The following CALCOCO1 variants were observed in gnomAD, a reference collection of about 807,000 sequenced individuals.
CALCOCO1 encodes the protein calcium binding and coiled-coil domain 1, also known as calcium-binding and coiled-coil domain-containing protein 1.
Under a neutral mutation model 86.3 loss-of-function variants are expected in CALCOCO1, and 44 were observed. The ratio of observed to expected loss-of-function variants is 0.51; its 90% CI spans 0.40 to 0.66. The LOEUF is 0.66. CALCOCO1 is among the 30% of genes least tolerant of loss of function. The pLI is 0.00. For synonymous variants in CALCOCO1, 297 were observed against 327.6 expected (o/e 0.91, Z 1.01); for missense variants, 708 against 851.1 (o/e 0.83, Z 2.09).
intron 4 of CALCOCO1, chr12:53,722,943 CAAAAAAAAA>C (rs58897806): frequency 5.1e-5 from 10 of 194,494 alleles, no homozygotes; most frequent in African/African-American, 4.1e-4. Context: ...AAGGCTGTCT[CAAAAAAAAA>C]AAAAAAAAAG....
rs1394888215 is a variant in CALCOCO1 at position 53,709,394 on chromosome 12, G to C, written c.*2550C>G. ...CTGGGATAGGCAAACCATGAGTAAG[G>C]AAGAGAAATGGCCCCACATTTTGTG... On this transcript the variant is annotated 3_prime_UTR_variant, in exon 15 of 15. Coordinates refer to ENST00000550804, the MANE Select transcript of CALCOCO1 (RefSeq NM_020898.3). 1 of 152,246 alleles carries C rather than the reference G, an allele frequency of 6.6e-6. No individual in the cohort carries two copies. Among genetic ancestry groups the C allele is most frequent in the African/African-American group, 2.4e-5 (1 of 41,438 alleles). 9.4% of individuals were successfully genotyped at this position (152,246 alleles called of 1,614,324 possible).
In CALCOCO1 at chr12:53,724,632, T is replaced by C. The variant is rs533888670; in HGVS notation, c.259+13A>G. 2.7e-5 allele frequency: 44 copies of C among 1,608,298 alleles called. No homozygotes were observed. The South Asian group carries it at 4.6e-4, about 17-fold the overall frequency. ...TTGGCTCCTCTCTCCCAATTTTCCATCTTCCCTTGTACCTTGGAACTGGAC... is the reference window on the plus strand; with the variant it reads ...TTGGCTCCTCTCTCCCAATTTTCCACCTTCCCTTGTACCTTGGAACTGGAC... On this transcript the variant is annotated intron_variant, in intron 3 of 14. Transcript: ENST00000550804.
chr12:53,717,099 C>T (rs76404006), intron 7 of CALCOCO1, among the ~76,000 whole-genome samples: 3,227 of 152,304 alleles, frequency 0.021, 117 homozygotes, highest in African/African-American at 0.074. Context: ...CTGGCTCTGT[C>T]GCCAAGACTG....
At chr12:53,720,780 G>C (rs948378660) in intron 6 of CALCOCO1, among the ~76,000 whole-genome samples, 1 of 152,194 alleles carries the variant, frequency 6.6e-6, no homozygotes, top group Non-Finnish European at 1.5e-5. Context: ...TTGAAGGATG[G>C]ACATGGGAGG....
At position 53,715,784 on chromosome 12, in the gene CALCOCO1, T is replaced by G. The variant is rs1288448343; in HGVS notation, c.1260+9A>C. The G allele has an allele frequency of 6.2e-7, 1 of 1,606,684 alleles. No homozygotes were observed. Among genetic ancestry groups the G allele is most frequent in the African/African-American group, 1.3e-5 (1 of 75,016 alleles). Reference sequence around the variant, plus strand: ...CCATCAGATTGCCAGGTACCCCCCATCCCTCTACCTCCACACTCTGCAGCA... The same window carrying G: ...CCATCAGATTGCCAGGTACCCCCCAGCCCTCTACCTCCACACTCTGCAGCA... On this transcript the variant is annotated intron_variant, in intron 9 of 14. Coordinates refer to ENST00000550804, the MANE Select transcript of CALCOCO1 (RefSeq NM_020898.3).
At chr12:53,721,347 G>T (rs1396772374) in intron 6 of CALCOCO1, 120 bp downstream of exon 6, 9 of 880,370 alleles carry the variant, frequency 1.0e-5, no homozygotes, top group Non-Finnish European at 1.4e-5. Context: ...TTGAGTGAGG[G>T]TGAGAGGGAA....
At chr12:53,725,320 C>T (rs567532022) in intron 1 of CALCOCO1, 54 bp from the exon 2 acceptor site, 9 of 1,243,476 alleles carry the variant, frequency 7.2e-6, no homozygotes, top group South Asian at 4.7e-5. Context: ...CTCCTTCCCC[C>T]CACAGCTCCA....
At chr12:53,713,951 T>C (rs896456481) in intron 12 of CALCOCO1, 51 bp from the exon 13 acceptor site, 3 of 1,470,244 alleles carry the variant, frequency 2.0e-6, no homozygotes, top group Admixed American at 4.1e-5. Flanking sequence ...TTGTGAGGAG[T>C]TGGACCAGCT....
intron 10 of CALCOCO1, 23 bp downstream of exon 10, chr12:53,715,177 C>T (rs549518771): frequency 6.8e-6 from 11 of 1,613,074 alleles, no homozygotes; most frequent in African/African-American, 4.0e-5. Context: ...TAGGACAGGA[C>T]CCTTGGTGGC....
intron 14 of CALCOCO1, chr12:53,712,767 G>A: frequency 7.5e-7 from 1 of 1,325,916 alleles, no homozygotes; most frequent in Non-Finnish European, 9.9e-7. Flanking sequence ...AGGACCCTAG[G>A]TACCTACCTG....
chr12:53,721,461 C>A lies in CALCOCO1; in HGVS notation c.758+6G>T, dbSNP rs1945864628. The stretch of plus-strand genomic sequence containing the variant: ...GGAAGTGACGGGGTCAGTGGACTCC[C>A]CTCACCTGTCCAGCTCCACTTCCTT... On this transcript the variant is annotated splice_donor_region_variant and intron_variant, in intron 6 of 14. Coordinates refer to ENST00000550804, the MANE Select transcript of CALCOCO1 (RefSeq NM_020898.3). 2 of 1,604,474 alleles carry A rather than the reference C, an allele frequency of 1.2e-6. No homozygotes were observed. The highest frequency in any genetic ancestry group is 1.7e-6 in the Non-Finnish European group (2 of 1,176,676).
In CALCOCO1 at chr12:53,714,475, C is replaced by G. The variant is rs181452945; in HGVS notation, c.1482+123G>C. On this transcript the variant is annotated intron_variant, in intron 11 of 14. Transcript: ENST00000550804. ...CTGCCAAATCAGCTAATAAGAGAAG[C>G]CAGGGTACGGGCCCTCTTGGAGAGA... is the stretch of plus-strand genomic sequence containing the variant. 24 of 742,272 alleles carry G rather than the reference C, an allele frequency of 3.2e-5. No homozygotes were observed. The African/African-American group carries it at 4.2e-4, about 13-fold the overall frequency. The allele number at this position is 742,272 out of a possible 1,614,324, so 46.0% of individuals were successfully genotyped here.
intron 7 of CALCOCO1, among the ~76,000 whole-genome samples, chr12:53,717,419 C>T (rs1945755164): frequency 6.6e-6 from 1 of 152,194 alleles, no homozygotes; most frequent in Non-Finnish European, 1.5e-5. Flanking sequence ...GCCTTTCACG[C>T]TTGTGGAATA....
chr12:53,722,729 G>A (rs1043248309), intron 4 of CALCOCO1, among the ~76,000 whole-genome samples: 3 of 152,014 alleles, frequency 2.0e-5, no homozygotes, highest in African/African-American at 7.3e-5. Context: ...ACAGATGCAT[G>A]CCACTACACC....
Position 53,716,343 on chromosome 12 carries a change from C to T in CALCOCO1, c.922G>A (p.Glu308Lys). Residue 308 changes from glutamate to lysine, a missense_variant, in exon 8 of 15, where the codon GAG (glutamate) becomes AAG (lysine). Physicochemically the swap from Glu to Lys is moderately conservative, Grantham distance 56. Coordinates refer to ENST00000550804, the MANE Select transcript of CALCOCO1 (RefSeq NM_020898.3). ...LDLKEAKSWQ[E>K]EQSAQAQRLK... ...CGCTGAGCCTGAGCACTCTGCTCCT[C>T]TTGCCAGCTCTTCGCCTCCTTCAGG... 6.2e-7 allele frequency: 1 copy of T among 1,614,246 alleles called. No homozygotes were observed. Among genetic ancestry groups the T allele is most frequent in the Non-Finnish European group, 8.5e-7 (1 of 1,180,038 alleles).
rs904921310 is a variant in CALCOCO1 at position 53,723,820 on chromosome 12, C to T, written c.260-37G>A. On this transcript the variant is annotated intron_variant, in intron 3 of 14. Transcript: ENST00000550804. ...AGAATGGACCCAGGACCCCAATAAT[C>T]CACTGTCCTTGGCCCCAGCCCCTTG... The T allele has an allele frequency of 3.8e-6, 6 of 1,588,444 alleles. No homozygotes were observed. The African/African-American group carries it at 6.7e-5, about 18-fold the overall frequency.
intron 7 of CALCOCO1, among the ~76,000 whole-genome samples, chr12:53,718,674 G>A (rs1048634480): frequency 5.3e-5 from 8 of 151,936 alleles, no homozygotes; most frequent in Non-Finnish European, 1.2e-4. Context: ...GACTACAGGT[G>A]CATGCCACCA....
Position 53,709,035 on chromosome 12 carries a change from T to C in CALCOCO1, c.*2909A>G, listed in dbSNP as rs1384021531. ...GTAACAGGTGGCCATTGAGGTTCGATAAGTGGGGGAGTGGTGTGTTTGGAT... is the reference window on the plus strand; with the variant it reads ...GTAACAGGTGGCCATTGAGGTTCGACAAGTGGGGGAGTGGTGTGTTTGGAT... On this transcript the variant is annotated 3_prime_UTR_variant, in exon 15 of 15. Transcript: ENST00000550804. 5 of 152,206 alleles carry C rather than the reference T, an allele frequency of 3.3e-5. No homozygotes were observed. The highest frequency in any genetic ancestry group is 2.9e-5 in the Non-Finnish European group (2 of 68,052). The allele number at this position is 152,206 out of a possible 1,614,324, so 9.4% of individuals were successfully genotyped here.
chr12:53,723,198 G>C (rs1945927258), intron 4 of CALCOCO1, among the ~76,000 whole-genome samples: 1 of 152,274 alleles, frequency 6.6e-6, no homozygotes, highest in Admixed American at 6.5e-5. Context: ...GACAGTACAG[G>C]TCTGGGGCCT....
Sources: gnomAD v4.1 joint callset for allele counts (sites outside exome capture counted in the v4.1 genomes callset) on GRCh38, gnomAD v4.1.1 for gene constraint, MANE v1.5 for transcripts, NCBI Gene and HGNC (gene_info 2026-07-23, HGNC 2026-07-21) for gene names.